The following PLEKHG1 variants were observed in gnomAD, a reference collection of about 807,000 sequenced individuals.
PLEKHG1 encodes the protein pleckstrin homology domain-containing family G member 1.
A neutral mutation model predicts 100.8 loss-of-function variants in PLEKHG1; 44 were observed. That is an observed-to-expected ratio of 0.44 (90% CI 0.34 to 0.56). PLEKHG1 has a LOEUF of 0.56. PLEKHG1 is among the 20% of genes least tolerant of loss of function. The pLI is 0.01. For synonymous variants in PLEKHG1, 640 were observed against 662.5 expected, an observed-to-expected ratio of 0.97 and a Z score of 0.52; for missense variants, 1,545 against 1,720.9, an observed-to-expected ratio of 0.90 and a Z score of 1.81.
chr6:150,618,387 G>A (rs778907689), intron 1 of PLEKHG1, among the ~76,000 whole-genome samples: 35 of 152,256 alleles, frequency 2.3e-4, no homozygotes, highest in Admixed American at 3.9e-4. Context: ...ACATCTTTAT[G>A]TTTAATCTGT....
chr6:150,734,560 C>T (rs1423642656), intron 2 of PLEKHG1, among the ~76,000 whole-genome samples: 2 of 152,094 alleles, frequency 1.3e-5, no homozygotes, highest in Non-Finnish European at 2.9e-5. Flanking sequence ...TTTCATTGGC[C>T]TGGGTGGGGC....
chr6:150,791,329 A>G (rs970027386), intron 4 of PLEKHG1, among the ~76,000 whole-genome samples: 2 of 152,088 alleles, frequency 1.3e-5, no homozygotes, highest in South Asian at 2.1e-4. Context: ...CAATGGAGGA[A>G]TGGAGGGAAC....
intron 2 of PLEKHG1, among the ~76,000 whole-genome samples, chr6:150,735,049 C>T (rs4869693): frequency 0.093 from 12,941 of 138,630 alleles, 619 homozygotes; most frequent in Admixed American, 0.17. Flanking sequence ...TGCAATGGTG[C>T]GATCTTGGCT....
chr6:150,736,225 C>T (rs1782552134), intron 2 of PLEKHG1, among the ~76,000 whole-genome samples: 1 of 152,190 alleles, frequency 6.6e-6, no homozygotes, highest in Non-Finnish European at 1.5e-5. Flanking sequence ...TTTGCTCACC[C>T]CTGTCTTAGG....
chr6:150,617,529 T>A (rs553513577), intron 1 of PLEKHG1, among the ~76,000 whole-genome samples: 1 of 152,232 alleles, frequency 6.6e-6, no homozygotes, highest in South Asian at 2.1e-4. Flanking sequence ...AGAAGAAGAC[T>A]GTTAATGTCA....
chr6:150,647,674 C>T (rs1440790489), intron 2 of PLEKHG1, among the ~76,000 whole-genome samples: 1 of 152,130 alleles, frequency 6.6e-6, no homozygotes, highest in Non-Finnish European at 1.5e-5. Context: ...TTTAACACTT[C>T]CCCAACCTTC....
intron 2 of PLEKHG1, among the ~76,000 whole-genome samples, chr6:150,644,334 G>GGTTTTTTTTTTTTTTTTTT (rs1554255840): frequency 1.6e-4 from 19 of 117,602 alleles, no homozygotes; most frequent in South Asian, 2.9e-4. Context: ...TTCTTTTCGT[G>GGTTTTTTTTTTTTTTTTTT]TTTTTTTTTT....
intron 1 of PLEKHG1, among the ~76,000 whole-genome samples, chr6:150,612,425 C>T (rs181618370): frequency 2.0e-4 from 31 of 152,200 alleles, no homozygotes; most frequent in Admixed American, 7.9e-4. Context: ...CTCTGCCTCC[C>T]GGATTCCGGC....
chr6:150,715,475 A>AT (rs66661643), intron 3 of PLEKHG1, among the ~76,000 whole-genome samples: 65,855 of 145,002 alleles, frequency 0.45, 14,957 homozygotes, highest in Middle Eastern at 0.55. Flanking sequence ...GTTCATCACT[A>AT]TTTTTTTTCT....
intron 2 of PLEKHG1, among the ~76,000 whole-genome samples, chr6:150,762,137 A>G (rs1784191743): frequency 6.6e-6 from 1 of 152,040 alleles, no homozygotes. Context: ...TCACATTACC[A>G]GTAAGATCAG....
At chr6:150,655,273 C>T (rs1171389451) in intron 3 of PLEKHG1, among the ~76,000 whole-genome samples, 1 of 152,190 alleles carries the variant, frequency 6.6e-6, no homozygotes, top group African/African-American at 2.4e-5. Flanking sequence ...CCAGCAGTCC[C>T]ATTACTGGGT....
At chr6:150,703,224 C>T (rs1193002855) in intron 3 of PLEKHG1, among the ~76,000 whole-genome samples, 2 of 152,142 alleles carry the variant, frequency 1.3e-5, no homozygotes, top group Non-Finnish European at 2.9e-5. Context: ...AAAATGAAAG[C>T]AGATGAGGAT....
At chr6:150,653,117 T>C (rs751337298) in intron 3 of PLEKHG1, among the ~76,000 whole-genome samples, 6 of 152,186 alleles carry the variant, frequency 3.9e-5, no homozygotes, top group Non-Finnish European at 5.9e-5. Context: ...CAATAGGTTC[T>C]GGTCTGGAGC....
At chr6:150,715,010 G>A (rs1347213559) in intron 3 of PLEKHG1, among the ~76,000 whole-genome samples, 1 of 151,550 alleles carries the variant, frequency 6.6e-6, no homozygotes, top group South Asian at 2.1e-4. Context: ...TGTTGGCCAG[G>A]CTGGTCTCGA....
intron 3 of PLEKHG1, among the ~76,000 whole-genome samples, chr6:150,665,552 C>T (rs958750051): frequency 6.6e-6 from 1 of 152,060 alleles, no homozygotes; most frequent in South Asian, 2.1e-4. Flanking sequence ...ATCGCTTGAA[C>T]CCAGGAGGCG....
chr6:150,718,852 A>T (rs975163935), upstream of PLEKHG1, among the ~76,000 whole-genome samples: 2 of 151,442 alleles, frequency 1.3e-5, no homozygotes, highest in Admixed American at 6.6e-5. Flanking sequence ...TGGTTAATTT[A>T]TTCAAGCAAA....
chr6:150,768,863 T>G (rs927076406), intron 3 of PLEKHG1, 125 bp downstream of exon 4: 2 of 643,360 alleles, frequency 3.1e-6, no homozygotes, highest in Non-Finnish European at 5.6e-6. Context: ...TGGGCTGTTG[T>G]GCCAAGAAGC....
At chr6:150,751,972 T>C (rs1397076338) in intron 2 of PLEKHG1, among the ~76,000 whole-genome samples, 16 of 152,140 alleles carry the variant, frequency 1.1e-4, no homozygotes, top group Admixed American at 1.3e-4. Flanking sequence ...CTGATTCACC[T>C]GAGATCAGGA....
rs763700343 is a variant in PLEKHG1 at position 150,831,783 on chromosome 6, T to C, written c.2672T>C (p.Leu891Pro). 50 of 1,613,128 alleles carry C rather than the reference T, an allele frequency of 3.1e-5. No homozygotes were observed. In the South Asian group the frequency reaches 5.4e-4, roughly 17 times the overall value. Residue 891 changes from leucine (L) to proline (P), a missense_variant, in exon 15 of 16, where the codon CTG becomes CCG. By Grantham distance (98) the Leu-to-Pro change is moderately conservative (BLOSUM62 -3). Coordinates refer to ENST00000358517, the Ensembl canonical transcript of PLEKHG1. The surrounding 1 kb of genome is among the most constrained non-coding windows in gnomAD (Gnocchi z 4.1). ...GACGTGGGGCGCTCTGTGTCCACGC[T>C]GTCCCTGCCTGAGAGCCAGGCTCTC...
Sources: gnomAD v4.1 joint callset for allele counts (sites outside exome capture counted in the v4.1 genomes callset) on GRCh38, gnomAD v4.1.1 for gene constraint, Gnocchi (gnomAD v3.1) non-coding constraint, MANE v1.5 for transcripts, NCBI Gene and HGNC (gene_info 2026-07-23, HGNC 2026-07-21) for gene names.